NQO1: variants seen among roughly 807,000 people sequenced by gnomAD.
NQO1 encodes the protein NAD(P)H dehydrogenase [quinone] 1.
Under a neutral mutation model 32.1 loss-of-function variants are expected in NQO1, and 30 were observed. The ratio of observed to expected loss-of-function variants is 0.94; its 90% CI spans 0.70 to 1.27. The LOEUF (loss-of-function observed/expected upper bound fraction) is 1.27, where lower values mean the gene tolerates loss of function less well. NQO1 is among the 50% of genes most tolerant of loss of function. NQO1 has a pLI of 0.00. For missense variants in NQO1, 276 were observed against 331.3 expected (o/e 0.83, Z 1.30); for synonymous variants, 109 against 119.7 (o/e 0.91, Z 0.59).
chr16:69,723,896 G>A (rs2038226637), intron 1 of NQO1, among the ~76,000 whole-genome samples: 1 of 152,166 alleles, frequency 6.6e-6, no homozygotes, highest in Non-Finnish European at 1.5e-5. Flanking sequence ...TTAACTAGCT[G>A]AGCAACATGA....
chr16:69,713,463 G>C (rs2038067981), intron 4 of NQO1, among the ~76,000 whole-genome samples: 1 of 152,170 alleles, frequency 6.6e-6, no homozygotes, highest in Admixed American at 6.5e-5. Context: ...CACGGGCTAG[G>C]CATGGCGTAG....
intron 1 of NQO1, among the ~76,000 whole-genome samples, chr16:69,720,433 A>G (rs1281722310): frequency 6.6e-6 from 1 of 152,060 alleles, no homozygotes; most frequent in African/African-American, 2.4e-5. Context: ...GAAGGAAGAA[A>G]AAAGAAAATA....
rs2151741108 is a variant in NQO1 at position 69,710,122 on chromosome 16, C to A, written c.*854G>T. 5.3e-6 allele frequency: 1 copy of A among 189,100 alleles called. No individual in the cohort carries two copies. The highest frequency in any genetic ancestry group is 1.9e-4 in the South Asian group (1 of 5,162). The allele number at this position is 189,100 out of a possible 1,614,324, so 11.7% of individuals were successfully genotyped here. ...CTGAGGTAGGCGGATCACCTGAGGT[C>A]AGGAGTTTGAGACCAGCCTGGCCAA... On this transcript the variant is annotated 3_prime_UTR_variant, in exon 6 of 6. Coordinates refer to ENST00000320623, the MANE Select transcript of NQO1 (RefSeq NM_000903.3).
At chr16:69,713,509 C>T (rs1489182203) in intron 4 of NQO1, among the ~76,000 whole-genome samples, 1 of 152,148 alleles carries the variant, frequency 6.6e-6, no homozygotes, top group African/African-American at 2.4e-5. Flanking sequence ...TCGAAGGGTT[C>T]CCTGTGCAGG....
At position 69,710,707 on chromosome 16, in the gene NQO1, T is replaced by TCTCGGTGGTG; in HGVS notation, c.*268_*269insCACCACCGAG. ...AAAAAGAGGAATTAAATTGTGTAGATGCCTTTAAAGAACATTTTTCTAGCA... is the reference window on the plus strand; with the variant it reads ...AAAAAGAGGAATTAAATTGTGTAGATCTCGGTGGTGGCCTTTAAAGAACATTTTTCTAGCA... On this transcript the variant is annotated 3_prime_UTR_variant, in exon 6 of 6. Transcript: ENST00000320623. 1.1e-5 allele frequency: 5 copies of TCTCGGTGGTG among 436,302 alleles called. No homozygotes were observed. Among genetic ancestry groups the TCTCGGTGGTG allele is most frequent in the South Asian group, 3.1e-5 (1 of 32,500 alleles). The allele number at this position is 436,302 out of a possible 1,614,324, so 27.0% of individuals were successfully genotyped here.
intron 1 of NQO1, among the ~76,000 whole-genome samples, chr16:69,726,176 G>T (rs2038258545): frequency 6.6e-6 from 1 of 152,158 alleles, no homozygotes; most frequent in South Asian, 2.1e-4. Flanking sequence ...GGGAATTTCT[G>T]CTTCCAAGGT....
chr16:69,709,853 C>A lies in NQO1; in HGVS notation c.*1123G>T. The A allele has an allele frequency of 5.0e-6, 2 of 398,502 alleles. No individual in the cohort carries two copies. Among genetic ancestry groups the A allele is most frequent in the East Asian group, 3.6e-5 (1 of 28,070 alleles). The allele number at this position is 398,502 out of a possible 1,614,324, so 24.7% of individuals were successfully genotyped here. A position where few individuals can be genotyped will look rare whatever the true frequency, so the allele number is the denominator to read the frequency against. ...CAAGGTCATGGGACTGGACCCCATC[C>A]CATAGTAAGTCATCAGTTTAGCAAT... On this transcript the variant is annotated 3_prime_UTR_variant, in exon 6 of 6. Coordinates refer to ENST00000320623, the MANE Select transcript of NQO1 (RefSeq NM_000903.3).
chr16:69,722,935 T>C (rs2038211431), intron 1 of NQO1, among the ~76,000 whole-genome samples: 1 of 152,186 alleles, frequency 6.6e-6, no homozygotes. Flanking sequence ...TTTTTGTTTG[T>C]TTGTTTTTTT....
chr16:69,710,796 T>C lies in NQO1; in HGVS notation c.*180A>G. 2 of 702,518 alleles carry C rather than the reference T, an allele frequency of 2.8e-6. No homozygotes were observed. Among genetic ancestry groups the C allele is most frequent in the Non-Finnish European group, 4.6e-6 (2 of 438,316 alleles). 43.5% of individuals were successfully genotyped at this position (702,518 alleles called of 1,614,324 possible). Reference sequence around the variant, plus strand: ...GTCGGATTTTGGTTATATGCCATGATAGTAATCATAAGAATCAGTTAAAAA... The same window carrying C: ...GTCGGATTTTGGTTATATGCCATGACAGTAATCATAAGAATCAGTTAAAAA... On this transcript the variant is annotated 3_prime_UTR_variant, in exon 6 of 6. Transcript: ENST00000320623.
intron 1 of NQO1, among the ~76,000 whole-genome samples, chr16:69,720,107 A>G (rs1250513619): frequency 6.6e-6 from 1 of 152,010 alleles, no homozygotes; most frequent in African/African-American, 2.4e-5. Context: ...AAACGTACAA[A>G]AATTAGCTGG....
rs1423882967 is a variant in NQO1, at chr16:69,726,544, T to C, written c.-105A>G. 1.1e-5 allele frequency: 16 copies of C among 1,501,276 alleles called. No homozygotes were observed. The highest frequency in any genetic ancestry group is 4.2e-5 in the African/African-American group (3 of 72,074). 93.0% of individuals were successfully genotyped at this position (1,501,276 alleles called of 1,614,324 possible). A position where few individuals can be genotyped will look rare whatever the true frequency, so the allele number is the denominator to read the frequency against. On this transcript the variant is annotated 5_prime_UTR_variant, in exon 1 of 6. Coordinates refer to ENST00000320623, the MANE Select transcript of NQO1 (RefSeq NM_000903.3). Reference sequence around the variant, plus strand: ...GAGCTGGGCGGCTCCGGCTGCAACCTTGTGGGAGTCGCGTGTGTAGTGCAC... The same window carrying C: ...GAGCTGGGCGGCTCCGGCTGCAACCCTGTGGGAGTCGCGTGTGTAGTGCAC...
chr16:69,722,608 GTAACTTTC>G (rs2038207664), intron 1 of NQO1, among the ~76,000 whole-genome samples: 1 of 152,214 alleles, frequency 6.6e-6, no homozygotes. Context: ...TCAGCGAAGT[GTAACTTTC>G]AGGGCCCAAT....
At chr16:69,719,527 G>T (rs2038162133) in intron 1 of NQO1, among the ~76,000 whole-genome samples, 1 of 152,120 alleles carries the variant, frequency 6.6e-6, no homozygotes, top group Non-Finnish European at 1.5e-5. Context: ...TGTAATCCCA[G>T]CACTTTGGGA....
chr16:69,719,806 AT>A (rs765440165), intron 1 of NQO1, among the ~76,000 whole-genome samples: 2 of 151,598 alleles, frequency 1.3e-5, no homozygotes, highest in Non-Finnish European at 2.9e-5. Context: ...AAAGTAAAAA[AT>A]ATATAAAAAA....
At chr16:69,716,822 G>A (rs1022331215) in intron 3 of NQO1, among the ~76,000 whole-genome samples, 1 of 152,068 alleles carries the variant, frequency 6.6e-6, no homozygotes, top group Non-Finnish European at 1.5e-5. Flanking sequence ...ATGGTGGTGT[G>A]CACTGATAGT....
At chr16:69,719,287 GAC>G (rs1199044622) in intron 1 of NQO1, among the ~76,000 whole-genome samples, 2 of 152,296 alleles carry the variant, frequency 1.3e-5, no homozygotes, top group East Asian at 3.9e-4. Context: ...AAACTTTAAA[GAC>G]ACATAAATCT....
intron 1 of NQO1, among the ~76,000 whole-genome samples, chr16:69,722,593 TAAATTCAGCG>T (rs1415715123): frequency 4.6e-5 from 7 of 152,254 alleles, no homozygotes; most frequent in African/African-American, 1.7e-4. Flanking sequence ...CCTCTTGGGC[TAAATTCAGCG>T]AAGTGTAACT....
intron 1 of NQO1, 28 bp from the exon 2 acceptor site, chr16:69,718,562 G>C (rs1392437836): frequency 1.2e-6 from 2 of 1,606,434 alleles, no homozygotes; most frequent in Non-Finnish European, 1.7e-6. Context: ...AAGCACACAC[G>C]GAAAACCCAT....
In NQO1 at chr16:69,722,319, C is replaced by T. The variant is rs539467414; in HGVS notation, c.8-3785G>A. On this transcript the variant is annotated intron_variant, in intron 1 of 5. Transcript: ENST00000320623. ...CTGGGATTACAGGCGCGTGCCACCA[C>T]GCCCGGCTAATTTTTTGTATTTTTT... Among the ~76,000 whole-genome samples the T allele has an allele frequency of 7.9e-5, 12 of 152,278 alleles. No homozygotes were observed. In the South Asian group the frequency reaches 1.9e-3, roughly 24 times the overall value.
Sources: gnomAD v4.1 joint callset for allele counts (sites outside exome capture counted in the v4.1 genomes callset) on GRCh38, gnomAD v4.1.1 for gene constraint, MANE v1.5 for transcripts, NCBI Gene and HGNC (gene_info 2026-07-23, HGNC 2026-07-21) for gene names.